ZNF521: variants seen among roughly 807,000 people sequenced by gnomAD.
The protein encoded by ZNF521 is zinc finger protein 521, also known as LYST-interacting protein 3.
A neutral mutation model predicts 105.5 loss-of-function variants in ZNF521; 14 were observed. That is an observed-to-expected ratio of 0.13 (90% confidence interval 0.09 to 0.21). The LOEUF is 0.21. Ranked by LOEUF, ZNF521 falls within the 10% of genes least tolerant of loss-of-function variation. ZNF521 has a pLI of 1.00. For synonymous variants in ZNF521, 635 were observed against 606.0 expected (o/e 1.05, Z -0.70); for missense variants, 1,233 against 1,629.7 (o/e 0.76, Z 4.19).
At chr18:25,345,066 C>A (rs966309749) in intron 2 of ZNF521, among the ~76,000 whole-genome samples, 1 of 152,190 alleles carries the variant, frequency 6.6e-6, no homozygotes, top group African/African-American at 2.4e-5. Flanking sequence ...TAATATGCTT[C>A]AACTTATGTC....
chr18:25,077,804 GAA>G (rs1026980545), intron 7 of ZNF521, among the ~76,000 whole-genome samples: 2 of 150,976 alleles, frequency 1.3e-5, no homozygotes, highest in African/African-American at 4.9e-5. Context: ...GAATATTTAA[GAA>G]AAAAAAGAGG....
chr18:25,146,645 G>T (rs1213091912), intron 5 of ZNF521, among the ~76,000 whole-genome samples: 4 of 152,006 alleles, frequency 2.6e-5, no homozygotes, highest in Non-Finnish European at 5.9e-5. Context: ...CTGGTTAATC[G>T]TAACTATTTC....
intron 3 of ZNF521, among the ~76,000 whole-genome samples, chr18:25,231,808 G>A (rs1448031810): frequency 6.6e-6 from 1 of 152,180 alleles, no homozygotes; most frequent in Non-Finnish European, 1.5e-5. Context: ...TGAGGACAGG[G>A]ACCAAGCCTT....
At chr18:25,302,211 C>G (rs143435632) in intron 3 of ZNF521, 2 of 151,886 alleles carry the variant, frequency 1.3e-5, no homozygotes, top group African/African-American at 4.8e-5. Context: ...TTTATAGATG[C>G]TGGGAAAGGC....
chr18:25,195,371 C>T (rs2035885245), intron 4 of ZNF521, 127 bp from the exon 5 acceptor site: 5 of 677,674 alleles, frequency 7.4e-6, no homozygotes, highest in South Asian at 2.0e-5. Flanking sequence ...AACTACAGGG[C>T]CCCTTGGCCC....
At chr18:25,292,282 A>C (rs1192120358) in intron 3 of ZNF521, among the ~76,000 whole-genome samples, 1 of 144,760 alleles carries the variant, frequency 6.9e-6, no homozygotes, top group Non-Finnish European at 1.6e-5. Flanking sequence ...TCATAGATTT[A>C]CTGTGAAAAA....
intron 2 of ZNF521, among the ~76,000 whole-genome samples, chr18:25,322,956 C>T (rs867809184): frequency 4.6e-5 from 7 of 152,158 alleles, no homozygotes; most frequent in South Asian, 2.1e-4. Context: ...AAAAATGATA[C>T]ACAAACAGCA....
chr18:25,106,596 G>A (rs2034078385), intron 5 of ZNF521, among the ~76,000 whole-genome samples: 1 of 152,176 alleles, frequency 6.6e-6, no homozygotes, highest in South Asian at 2.1e-4. Context: ...TGCTTCTACT[G>A]TGTGTTCTCC....
At chr18:25,292,880 C>T (rs1413884466) in intron 3 of ZNF521, among the ~76,000 whole-genome samples, 1 of 152,174 alleles carries the variant, frequency 6.6e-6, no homozygotes, top group Non-Finnish European at 1.5e-5. Context: ...AACCACCCAA[C>T]CTGAATCCAA....
At chr18:25,275,959 G>A (rs970262800) in intron 3 of ZNF521, among the ~76,000 whole-genome samples, 7 of 152,286 alleles carry the variant, frequency 4.6e-5, no homozygotes, top group African/African-American at 1.7e-4. Flanking sequence ...TGATGGCGGA[G>A]GAGCACAAAG....
chr18:25,139,372 CAAAAAAAAAAAAAAAAAAAA>C lies in ZNF521; in HGVS notation c.3659-47311_3659-47292del, dbSNP rs36175281. Among the ~76,000 whole-genome samples the C allele has an allele frequency of 1.9e-4, 10 of 51,388 alleles. 3 individuals are homozygous for C. In the East Asian group the frequency reaches 7.5e-3, roughly 39 times the overall value. The allele number at this position is 51,388 out of a possible 152,430, so 33.7% of individuals were successfully genotyped here. A position where few individuals can be genotyped will look rare whatever the true frequency, so the allele number is the denominator to read the frequency against. ...TGGGCGACAGAGCAAGACTCTGTCT[CAAAAAAAAAAAAAAAAAAAA>C]AAAAAAAAAAGACAATAAGCCTTTA... On this transcript the variant is annotated intron_variant, in intron 5 of 7. Coordinates refer to ENST00000361524, the MANE Select transcript of ZNF521 (RefSeq NM_015461.3).
chr18:25,186,609 G>T (rs898747207), intron 5 of ZNF521, among the ~76,000 whole-genome samples: 1 of 152,158 alleles, frequency 6.6e-6, no homozygotes, highest in Non-Finnish European at 1.5e-5. Context: ...TCAAAGTTCA[G>T]TGGCCTCTGT....
intron 5 of ZNF521, among the ~76,000 whole-genome samples, chr18:25,168,811 A>T (rs1389665745): frequency 6.6e-6 from 1 of 152,142 alleles, no homozygotes; most frequent in Non-Finnish European, 1.5e-5. Flanking sequence ...GTGTGACCTG[A>T]TCGACACTAA....
chr18:25,109,259 A>G (rs1319838033), intron 5 of ZNF521, among the ~76,000 whole-genome samples: 8 of 152,178 alleles, frequency 5.3e-5, no homozygotes, highest in Non-Finnish European at 1.0e-4. Context: ...CTCCAGCTCT[A>G]TCCATGTTGC....
At chr18:25,106,946 A>G (rs1021321397) in intron 5 of ZNF521, among the ~76,000 whole-genome samples, 4 of 152,178 alleles carry the variant, frequency 2.6e-5, no homozygotes, top group African/African-American at 9.7e-5. Flanking sequence ...TACAGATGTA[A>G]AGTAACTTAC....
At chr18:25,187,141 G>A (rs1269266331) in intron 5 of ZNF521, among the ~76,000 whole-genome samples, 1 of 151,858 alleles carries the variant, frequency 6.6e-6, no homozygotes, top group Non-Finnish European at 1.5e-5. Flanking sequence ...TCATCTTAAA[G>A]AAAAAAGTAA....
intron 2 of ZNF521, among the ~76,000 whole-genome samples, chr18:25,334,487 G>A (rs1913762507): frequency 6.6e-6 from 1 of 152,180 alleles, no homozygotes; most frequent in African/African-American, 2.4e-5. Flanking sequence ...TATAAAATGA[G>A]AGCAATGATA....
intron 3 of ZNF521, among the ~76,000 whole-genome samples, chr18:25,248,530 C>T (rs570346578): frequency 5.3e-5 from 8 of 152,144 alleles, no homozygotes; most frequent in Non-Finnish European, 1.2e-4. Flanking sequence ...CTAAATAACA[C>T]GAGTTAGCAT....
At chr18:25,328,434 C>CAT (rs1402116525) in intron 2 of ZNF521, among the ~76,000 whole-genome samples, 9 of 151,910 alleles carry the variant, frequency 5.9e-5, no homozygotes, top group Non-Finnish European at 7.4e-5. Flanking sequence ...CACACACACA[C>CAT]ACACACACAC....
Sources: allele counts gnomAD v4.1 joint callset (sites outside exome capture counted in the v4.1 genomes callset), GRCh38; gene constraint gnomAD v4.1.1; transcripts MANE v1.5; gene names NCBI Gene and HGNC (gene_info 2026-07-23, HGNC 2026-07-21).